SNTG1: variants seen among roughly 807,000 people sequenced by gnomAD.
The protein encoded by SNTG1 is gamma-1-syntrophin.
SNTG1 carries 39 observed loss-of-function variants against 74.7 expected under a neutral mutation model. The observed-to-expected ratio is 0.52, with a 90% confidence interval of 0.40 to 0.68. SNTG1 has a LOEUF of 0.68. SNTG1 is among the 30% of genes least tolerant of loss of function. SNTG1 has a pLI of 0.00. For synonymous variants in SNTG1, 254 were observed against 217.1 expected (o/e 1.17, Z -1.49); for missense variants, 685 against 609.5 (o/e 1.12, Z -1.30).
intron 16 of SNTG1, among the ~76,000 whole-genome samples, chr8:50,705,679 C>T (rs187161653): frequency 6.6e-6 from 1 of 151,988 alleles, no homozygotes; most frequent in Non-Finnish European, 1.5e-5. Context: ...CATGTGCCAA[C>T]CAAAGTCCAG....
At chr8:50,702,065 G>A (rs1170222113) in intron 15 of SNTG1, among the ~76,000 whole-genome samples, 1 of 2,772 alleles carries the variant, frequency 3.6e-4, no homozygotes, top group Non-Finnish European at 5.8e-4. Context: ...GGGACAGTCT[G>A]GTCTGGAACT....
chr8:50,295,818 A>G (rs1416693266), intron 2 of SNTG1, among the ~76,000 whole-genome samples: 2 of 152,196 alleles, frequency 1.3e-5, no homozygotes, highest in Non-Finnish European at 2.9e-5. Flanking sequence ...TGCATAGAAA[A>G]TAAAGTGCTA....
chr8:50,621,838 ATAAT>A (rs1423137901), intron 13 of SNTG1, among the ~76,000 whole-genome samples: 35 of 152,348 alleles, frequency 2.3e-4, no homozygotes, highest in South Asian at 6.2e-4. Context: ...ACTCTTAGAA[ATAAT>A]TAGTCAATAA....
At chr8:50,314,494 C>A (rs2090240614) in intron 2 of SNTG1, among the ~76,000 whole-genome samples, 1 of 149,570 alleles carries the variant, frequency 6.7e-6, no homozygotes, top group South Asian at 2.3e-4. Context: ...GACTGGAGTG[C>A]CTGACGGAGA....
At chr8:50,320,192 G>A (rs1052836593) in intron 2 of SNTG1, among the ~76,000 whole-genome samples, 11 of 152,074 alleles carry the variant, frequency 7.2e-5, no homozygotes, top group South Asian at 4.1e-4. Context: ...CTCATTCTTC[G>A]TTATTGGTCT....
chr8:50,193,603 A>T (rs2083657820), intron 2 of SNTG1, among the ~76,000 whole-genome samples: 1 of 152,114 alleles, frequency 6.6e-6, no homozygotes, highest in Non-Finnish European at 1.5e-5. Context: ...GTAAAGGATC[A>T]TATCATCAGC....
chr8:50,253,617 GGT>G (rs35398981), intron 2 of SNTG1, among the ~76,000 whole-genome samples: 49,592 of 150,520 alleles, frequency 0.33, 8,608 homozygotes, highest in African/African-American at 0.45. Context: ...AAGAAAATGT[GGT>G]GTGTGTGTGT....
rs1247979195 is a variant in SNTG1 at position 50,709,148 on chromosome 8, A to C, written c.1284+170A>C. 8 of 587,518 alleles carry C rather than the reference A, an allele frequency of 1.4e-5. No individual in the cohort carries two copies. In the East Asian group the frequency reaches 1.4e-4, roughly 10 times the overall value. The allele number at this position is 587,518 out of a possible 1,614,324, so 36.4% of individuals were successfully genotyped here. A position where few individuals can be genotyped will look rare whatever the true frequency, so the allele number is the denominator to read the frequency against. On this transcript the variant is annotated intron_variant, in intron 17 of 18. Coordinates refer to ENST00000642720, the MANE Select transcript of SNTG1 (RefSeq NM_018967.5). ...ATGCTTCGATCTGAAAAAAAGTTTG[A>C]ATTTTTAATAAAACATATGTAGTAC...
intron 1 of SNTG1, among the ~76,000 whole-genome samples, chr8:49,967,171 A>C (rs2129853629): frequency 6.6e-6 from 1 of 152,316 alleles, no homozygotes; most frequent in East Asian, 1.9e-4. Flanking sequence ...TTATTTCACA[A>C]ATGAAAAAAC....
At chr8:50,142,594 G>A (rs1366336593) in intron 1 of SNTG1, among the ~76,000 whole-genome samples, 1 of 151,968 alleles carries the variant, frequency 6.6e-6, no homozygotes, top group African/African-American at 2.4e-5. Flanking sequence ...TAACATTGTA[G>A]TTAGGTTTAT....
chr8:50,026,610 T>C (rs1282175099), intron 1 of SNTG1, among the ~76,000 whole-genome samples: 3 of 152,102 alleles, frequency 2.0e-5, no homozygotes, highest in East Asian at 3.9e-4. Context: ...AAACCAACCA[T>C]ACATTTAAAA....
chr8:50,601,312 T>G (rs1585811736), intron 13 of SNTG1, among the ~76,000 whole-genome samples: 1 of 152,178 alleles, frequency 6.6e-6, no homozygotes, highest in African/African-American at 2.4e-5. Context: ...TAGGTTTTAT[T>G]ATGTTGTGTT....
intron 8 of SNTG1, among the ~76,000 whole-genome samples, chr8:50,489,179 G>A (rs2093827115): frequency 6.6e-6 from 1 of 152,164 alleles, no homozygotes; most frequent in South Asian, 2.1e-4. Context: ...GTCTATCATT[G>A]ATGGACATTT....
chr8:50,250,040 G>C (rs2086577135), intron 2 of SNTG1, among the ~76,000 whole-genome samples: 1 of 151,076 alleles, frequency 6.6e-6, no homozygotes, highest in Admixed American at 6.6e-5. Flanking sequence ...AACTCAGGGA[G>C]ATATAAGAGG....
At chr8:50,612,457 G>A (rs773737096) in intron 13 of SNTG1, among the ~76,000 whole-genome samples, 1 of 152,108 alleles carries the variant, frequency 6.6e-6, no homozygotes, top group African/African-American at 2.4e-5. Context: ...CAAGTAAAAG[G>A]AGAGAGAATT....
intron 1 of SNTG1, among the ~76,000 whole-genome samples, chr8:50,024,234 C>T (rs765436287): frequency 1.3e-5 from 2 of 152,112 alleles, no homozygotes; most frequent in Non-Finnish European, 2.9e-5. Flanking sequence ...AGTACATTCT[C>T]TCACCATACA....
intron 13 of SNTG1, among the ~76,000 whole-genome samples, chr8:50,654,103 T>C (rs927808551): frequency 6.6e-6 from 1 of 152,192 alleles, no homozygotes; most frequent in South Asian, 2.1e-4. Context: ...CTTCTGAATC[T>C]GTGTATTGAC....
At chr8:50,541,620 C>A (rs1461837622) in intron 11 of SNTG1, among the ~76,000 whole-genome samples, 1 of 152,106 alleles carries the variant, frequency 6.6e-6, no homozygotes, top group African/African-American at 2.4e-5. Flanking sequence ...AGTATACTTA[C>A]AATATCCATC....
intron 1 of SNTG1, among the ~76,000 whole-genome samples, chr8:50,071,729 C>G (rs990510636): frequency 6.6e-6 from 1 of 151,418 alleles, no homozygotes; most frequent in Non-Finnish European, 1.5e-5. Context: ...CCGCCTGCCT[C>G]GGCCTCCCAA....
Sources: allele counts gnomAD v4.1 joint callset (sites outside exome capture counted in the v4.1 genomes callset), GRCh38; gene constraint gnomAD v4.1.1; transcripts MANE v1.5; gene names NCBI Gene and HGNC (gene_info 2026-07-23, HGNC 2026-07-21).